STPG2: variants seen among roughly 807,000 people sequenced by gnomAD.
STPG2 encodes the protein sperm-tail PG-rich repeat-containing protein 2.
Under a neutral mutation model 54.2 loss-of-function variants are expected in STPG2, and 56 were observed. The ratio of observed to expected loss-of-function variants is 1.03; its 90% CI spans 0.83 to 1.29. The LOEUF is 1.29. Ranked by LOEUF, STPG2 falls within the 50% of genes most tolerant of loss-of-function variation. STPG2 has a pLI of 0.00. For synonymous variants in STPG2, 200 were observed against 181.8 expected, an observed-to-expected ratio of 1.10 and a Z score of -0.81; for missense variants, 596 against 544.9, an observed-to-expected ratio of 1.09 and a Z score of -0.93.
chr4:97,530,922 C>T (rs1731399759), intron 4 of STPG2, among the ~76,000 whole-genome samples: 1 of 152,168 alleles, frequency 6.6e-6, no homozygotes, highest in Non-Finnish European at 1.5e-5. Context: ...GAGGATGCAT[C>T]TGGGCTAGAA....
At chr4:97,867,621 A>G (rs1231420402) in intron 8 of STPG2, among the ~76,000 whole-genome samples, 1 of 152,060 alleles carries the variant, frequency 6.6e-6, no homozygotes, top group Admixed American at 6.6e-5. Flanking sequence ...GCCTTATTAC[A>G]GTATTGACCA....
chr4:97,795,760 C>T (rs1434564109), intron 9 of STPG2, among the ~76,000 whole-genome samples: 1 of 152,158 alleles, frequency 6.6e-6, no homozygotes, highest in Non-Finnish European at 1.5e-5. Flanking sequence ...TTCTAGATCC[C>T]TGAGGAATCG....
intron 5 of STPG2, among the ~76,000 whole-genome samples, chr4:98,001,244 G>T (rs1735406508): frequency 6.6e-6 from 1 of 151,666 alleles, no homozygotes; most frequent in African/African-American, 2.4e-5. Flanking sequence ...TAAGGCTTTT[G>T]TACTCAAAAT....
chr4:97,513,820 G>A (rs1323757147), intron 4 of STPG2, among the ~76,000 whole-genome samples: 4 of 152,036 alleles, frequency 2.6e-5, no homozygotes, highest in Non-Finnish European at 1.5e-5. Context: ...ACTAAATCCA[G>A]ATATTTCTGA....
intron 10 of STPG2, among the ~76,000 whole-genome samples, chr4:97,636,809 G>A (rs1456845032): frequency 6.6e-6 from 1 of 151,808 alleles, no homozygotes; most frequent in African/African-American, 2.4e-5. Flanking sequence ...TTGAATCTCT[G>A]AATAGACCAA....
At chr4:97,617,314 A>C (rs1485827243) in intron 10 of STPG2, among the ~76,000 whole-genome samples, 1 of 152,134 alleles carries the variant, frequency 6.6e-6, no homozygotes, top group East Asian at 1.9e-4. Context: ...TACATATTTT[A>C]TTGTTGGGAT....
intron 4 of STPG2, among the ~76,000 whole-genome samples, chr4:97,474,450 C>T (rs1157679499): frequency 1.3e-5 from 2 of 152,066 alleles, no homozygotes; most frequent in African/African-American, 2.4e-5. Context: ...GTAGAATTGC[C>T]AGCTCATGGT....
intron 9 of STPG2, among the ~76,000 whole-genome samples, chr4:97,756,468 C>A (rs950000797): frequency 1.3e-5 from 2 of 152,054 alleles, no homozygotes; most frequent in Non-Finnish European, 2.9e-5. Flanking sequence ...ATTACAGGTG[C>A]CCGCCACCAT....
chr4:97,926,943 G>A (rs1732352102), intron 8 of STPG2, among the ~76,000 whole-genome samples: 1 of 152,166 alleles, frequency 6.6e-6, no homozygotes, highest in South Asian at 2.1e-4. Flanking sequence ...AATGTTGTAC[G>A]TAATAACACA....
At chr4:97,661,710 G>A (rs1324940897) in intron 10 of STPG2, among the ~76,000 whole-genome samples, 1 of 151,316 alleles carries the variant, frequency 6.6e-6, no homozygotes, top group Non-Finnish European at 1.5e-5. Flanking sequence ...CATATTAATA[G>A]GGGAGAAAAG....
At chr4:97,796,168 G>A (rs13123658) in intron 9 of STPG2, among the ~76,000 whole-genome samples, 59,910 of 152,026 alleles carry the variant, frequency 0.39, 11,936 homozygotes, top group Middle Eastern at 0.46. Flanking sequence ...CACTCTGATG[G>A]TAGTTTCTTT....
At position 97,592,858 on chromosome 4, in the gene STPG2, A is replaced by G. The variant is rs1733180718; in HGVS notation, c.1321-33741T>C. ...CCCCCAAGGGCACTTGAGGTGGCAGAGAGAGCTGCTTAGAGAGGTGGTAGG... is the reference window on the plus strand; with the variant it reads ...CCCCCAAGGGCACTTGAGGTGGCAGGGAGAGCTGCTTAGAGAGGTGGTAGG... On this transcript the variant is annotated intron_variant, in intron 10 of 10. Coordinates refer to ENST00000295268, the MANE Select transcript of STPG2 (RefSeq NM_174952.3). Among the ~76,000 whole-genome samples, 4 of 152,254 alleles carry G rather than the reference A, an allele frequency of 2.6e-5. No individual in the cohort carries two copies. In the South Asian group the frequency reaches 8.3e-4, roughly 32 times the overall value.
At chr4:97,618,374 G>A (rs1733925530) in intron 10 of STPG2, among the ~76,000 whole-genome samples, 1 of 152,040 alleles carries the variant, frequency 6.6e-6, no homozygotes. Flanking sequence ...TTGCAACACA[G>A]TAGGAAATTC....
At chr4:97,736,253 T>C (rs1369667821) in intron 9 of STPG2, among the ~76,000 whole-genome samples, 1 of 152,158 alleles carries the variant, frequency 6.6e-6, no homozygotes, top group Admixed American at 6.5e-5. Context: ...TAGGAACAGC[T>C]CCAGTCTACA....
intron 8 of STPG2, among the ~76,000 whole-genome samples, chr4:97,937,107 C>A (rs548783955): frequency 5.3e-5 from 8 of 151,760 alleles, no homozygotes; most frequent in Non-Finnish European, 1.0e-4. Context: ...ACTTGTCTGC[C>A]TGCCTTATTT....
At chr4:97,441,976 T>G (rs905524794) in intron 4 of STPG2, among the ~76,000 whole-genome samples, 7 of 152,046 alleles carry the variant, frequency 4.6e-5, no homozygotes, top group African/African-American at 1.7e-4. Context: ...AAAAATATTT[T>G]ATAACAAATT....
intron 2 of STPG2, among the ~76,000 whole-genome samples, chr4:98,131,724 T>C (rs560185011): frequency 1.8e-4 from 27 of 152,168 alleles, no homozygotes; most frequent in Non-Finnish European, 3.2e-4. Flanking sequence ...CCAATGTACC[T>C]TTCTAAACAT....
At chr4:97,677,020 C>A (rs1328931388) in intron 10 of STPG2, among the ~76,000 whole-genome samples, 1 of 152,086 alleles carries the variant, frequency 6.6e-6, no homozygotes, top group Non-Finnish European at 1.5e-5. Flanking sequence ...AAAGCCTTAA[C>A]AAATTTATAG....
chr4:98,097,699 C>T lies in STPG2; in HGVS notation c.612+8254G>A, dbSNP rs149208461. 3.4e-3 allele frequency among the ~76,000 whole-genome samples: 518 copies of T among 151,928 alleles called. 2 individuals are homozygous for T. Among genetic ancestry groups the T allele is most frequent in the Middle Eastern group, 6.8e-3 (2 of 292 alleles). ...AAGAAGTCAAATTATCCTTGTTTGC[C>T]GATATGATCTTATATTCTGGAAAAC... On this transcript the variant is annotated intron_variant, in intron 5 of 10. Coordinates refer to ENST00000295268, the MANE Select transcript of STPG2 (RefSeq NM_174952.3).
Sources: allele counts gnomAD v4.1 joint callset (sites outside exome capture counted in the v4.1 genomes callset), GRCh38; gene constraint gnomAD v4.1.1; transcripts MANE v1.5; gene names NCBI Gene and HGNC (gene_info 2026-07-23, HGNC 2026-07-21).